RBPMS: variants seen among roughly 807,000 people sequenced by gnomAD.
The protein encoded by RBPMS is RNA binding protein, mRNA processing factor.
RBPMS carries 7 observed loss-of-function variants against 26.8 expected under a neutral mutation model. The ratio of observed to expected loss-of-function variants is 0.26; its 90% CI spans 0.15 to 0.49. The LOEUF (loss-of-function observed/expected upper bound fraction) is 0.49. Among genes scored for constraint, RBPMS ranks in the 20% least tolerant of loss-of-function variants. The pLI is 0.98. For synonymous variants in RBPMS, 96 were observed against 93.3 expected (o/e 1.03, Z -0.17); for missense variants, 186 against 250.0 (o/e 0.74, Z 1.73).
chr8:30,475,607 T>G (rs1817600673), intron 2 of RBPMS, among the ~76,000 whole-genome samples: 1 of 152,174 alleles, frequency 6.6e-6, no homozygotes, highest in African/African-American at 2.4e-5. Flanking sequence ...CTGTCTTGAT[T>G]TCTGGTTAAA....
At chr8:30,514,422 C>T (rs1318305501) in intron 5 of RBPMS, among the ~76,000 whole-genome samples, 1 of 152,084 alleles carries the variant, frequency 6.6e-6, no homozygotes, top group Non-Finnish European at 1.5e-5. Context: ...CCTGTCACTT[C>T]ACGGAAAATG....
intron 1 of RBPMS, among the ~76,000 whole-genome samples, chr8:30,466,886 A>C (rs1816565060): frequency 6.6e-6 from 1 of 152,032 alleles, no homozygotes; most frequent in Admixed American, 6.6e-5. Context: ...TGAGCCACCA[A>C]ACCCGGCCAG....
intron 1 of RBPMS, among the ~76,000 whole-genome samples, chr8:30,442,384 C>T (rs2150711075): frequency 6.6e-6 from 1 of 152,286 alleles, no homozygotes; most frequent in South Asian, 2.1e-4. Context: ...TTGTTGCACT[C>T]TAGGATCCTG....
At chr8:30,565,550 C>T (rs1308185935) in intron 7 of RBPMS, 1 of 150,708 alleles carries the variant, frequency 6.6e-6, no homozygotes, top group Admixed American at 6.6e-5. Flanking sequence ...AACCAGCCGG[C>T]TCAGAGGCAG....
chr8:30,410,930 G>A (rs1809316268), intron 1 of RBPMS, among the ~76,000 whole-genome samples: 1 of 152,004 alleles, frequency 6.6e-6, no homozygotes, highest in South Asian at 2.1e-4. Flanking sequence ...TTAAGGGATG[G>A]GGTGTTGCTA....
At chr8:30,496,498 A>C (rs1279422975) in intron 4 of RBPMS, among the ~76,000 whole-genome samples, 2 of 151,992 alleles carry the variant, frequency 1.3e-5, no homozygotes, top group East Asian at 3.9e-4. Flanking sequence ...ACTCCTAAGG[A>C]GTAGGGGGAA....
Position 30,424,656 on chromosome 8 carries a change from C to T in RBPMS, c.66+39498C>T, listed in dbSNP as rs543625120. Among the ~76,000 whole-genome samples, 7 of 152,232 alleles carry T rather than the reference C, an allele frequency of 4.6e-5. No individual in the cohort carries two copies. In the South Asian group the frequency reaches 1.2e-3, roughly 27 times the overall value. ...AGAATGAGGATAATAATGCCTACTT[C>T]GTGGAGTTGTGAGGATTAAAGGAGA... On this transcript the variant is annotated intron_variant, in intron 1 of 8. Transcript: ENST00000397323.
At chr8:30,485,205 A>T (rs1048517732) in intron 4 of RBPMS, among the ~76,000 whole-genome samples, 4 of 152,294 alleles carry the variant, frequency 2.6e-5, no homozygotes, top group African/African-American at 4.8e-5. Flanking sequence ...AGCCTGTGCA[A>T]GTTAGGACTT....
chr8:30,536,247 C>G (rs1407998649), intron 5 of RBPMS, among the ~76,000 whole-genome samples: 1 of 151,980 alleles, frequency 6.6e-6, no homozygotes, highest in Non-Finnish European at 1.5e-5. Flanking sequence ...CCTGCCTCAG[C>G]CTCCCTAGTA....
intron 1 of RBPMS, among the ~76,000 whole-genome samples, chr8:30,390,317 T>C (rs893063335): frequency 1.3e-5 from 2 of 152,284 alleles, no homozygotes; most frequent in Admixed American, 1.3e-4. Context: ...TCAGACATAG[T>C]CTTTCTTAGT....
At chr8:30,475,628 ACT>A (rs1817603869) in intron 2 of RBPMS, among the ~76,000 whole-genome samples, 2 of 152,166 alleles carry the variant, frequency 1.3e-5, no homozygotes, top group Non-Finnish European at 2.9e-5. Context: ...GATCATTCTC[ACT>A]GAAGCAGGTC....
chr8:30,452,812 T>C (rs1454963235), intron 1 of RBPMS, among the ~76,000 whole-genome samples: 1 of 152,226 alleles, frequency 6.6e-6, no homozygotes, highest in Non-Finnish European at 1.5e-5. Context: ...TTGTGTCATG[T>C]GAGATATGCT....
At chr8:30,446,795 T>TTTTG (rs1491178163) in intron 1 of RBPMS, 1 of 112,434 alleles carries the variant, frequency 8.9e-6, no homozygotes, top group Non-Finnish European at 1.8e-5. Context: ...CACACATGGC[T>TTTTG]TGTGTGTGTG....
chr8:30,544,702 T>C (rs1825721028), intron 6 of RBPMS, 78 bp downstream of exon 6: 2 of 1,605,270 alleles, frequency 1.2e-6, no homozygotes, highest in African/African-American at 1.3e-5. Context: ...GAGCACACCA[T>C]ACAACTAACA....
At chr8:30,511,799 G>C (rs1004378854) in intron 5 of RBPMS, among the ~76,000 whole-genome samples, 18 of 151,874 alleles carry the variant, frequency 1.2e-4, no homozygotes, top group African/African-American at 3.9e-4. Flanking sequence ...TCTGCAGCCT[G>C]GGCAACAGAG....
intron 1 of RBPMS, among the ~76,000 whole-genome samples, chr8:30,449,262 G>A (rs1044916824): frequency 6.6e-6 from 1 of 151,930 alleles, no homozygotes; most frequent in African/African-American, 2.4e-5. Flanking sequence ...AAACTAACAT[G>A]ATCTTTTCTG....
chr8:30,409,875 C>T (rs1216668297), intron 1 of RBPMS, among the ~76,000 whole-genome samples: 2 of 152,084 alleles, frequency 1.3e-5, no homozygotes, highest in African/African-American at 2.4e-5. Flanking sequence ...TTGTGATCTG[C>T]CCACCTTGGC....
chr8:30,429,650 T>C (rs1259599161), intron 1 of RBPMS, among the ~76,000 whole-genome samples: 1 of 152,174 alleles, frequency 6.6e-6, no homozygotes, highest in Middle Eastern at 3.2e-3. Flanking sequence ...CCCAGCAAAA[T>C]CCCTGTCATT....
intron 8 of RBPMS, among the ~76,000 whole-genome samples, chr8:30,569,764 G>A (rs1458740009): frequency 1.3e-5 from 2 of 152,214 alleles, no homozygotes; most frequent in East Asian, 1.9e-4. Context: ...TCGGTGTAAA[G>A]GGCAGGGACA....
Sources: allele counts gnomAD v4.1 joint callset (sites outside exome capture counted in the v4.1 genomes callset), GRCh38; gene constraint gnomAD v4.1.1; transcripts MANE v1.5; gene names NCBI Gene and HGNC (gene_info 2026-07-23, HGNC 2026-07-21).